The following NPR2 variants were observed in gnomAD, a reference collection of about 807,000 sequenced individuals.
The protein encoded by NPR2 is natriuretic peptide receptor 2.
NPR2 carries 49 observed loss-of-function variants against 120.7 expected under a neutral mutation model. The observed-to-expected ratio is 0.41, with a 90% CI of 0.32 to 0.52. The LOEUF is 0.52. Among genes scored for constraint, NPR2 ranks in the 20% least tolerant of loss-of-function variants. NPR2 has a pLI of 0.36. For synonymous variants in NPR2, 484 were observed against 519.8 expected (o/e 0.93, Z 0.94); for missense variants, 931 against 1,362.9 (o/e 0.68, Z 4.99).
Position 35,808,999 on chromosome 9 carries a change from C to T in NPR2, c.2986+146C>T. 1 of 935,656 alleles carries T rather than the reference C, an allele frequency of 1.1e-6. No individual in the cohort carries two copies. Among genetic ancestry groups the T allele is most frequent in the Non-Finnish European group, 1.8e-6 (1 of 568,462 alleles). 58.0% of individuals were successfully genotyped at this position (935,656 alleles called of 1,614,324 possible). On this transcript the variant is annotated intron_variant, in intron 20 of 21. Transcript: ENST00000342694. This position sits in a 1 kb window ranked among gnomAD's most constrained non-coding sequence, Gnocchi z 4.0. Reference sequence around the variant, plus strand: ...GCATATTTTGGTTCTAATAGATATGCATTGGGAGGTTGGGCATATTTTGGT... The same window carrying T: ...GCATATTTTGGTTCTAATAGATATGTATTGGGAGGTTGGGCATATTTTGGT...
rs1828506935 is a variant in NPR2, at chr9:35,808,063, AT to A, written c.2713-443del. The A allele has an allele frequency of 7.6e-6, 6 of 788,890 alleles. No homozygotes were observed. In the East Asian group the frequency reaches 1.5e-4, roughly 19 times the overall value. 48.9% of individuals were successfully genotyped at this position (788,890 alleles called of 1,614,324 possible). A position where few individuals can be genotyped will look rare whatever the true frequency, so the allele number is the denominator to read the frequency against. ...CTGTGTATTTCCTTAAAACAATGGC[AT>A]TTATTCTCTTACATAGCTTTGGCAC... On this transcript the variant is annotated intron_variant, in intron 18 of 21. Transcript: ENST00000342694. This position sits in a 1 kb window ranked among gnomAD's most constrained non-coding sequence, Gnocchi z 4.0.
In NPR2 at chr9:35,805,588, T is replaced by C. The variant is rs763091434; in HGVS notation, c.1965T>C (p.Arg655=). Residue 655 remains arginine, a synonymous_variant, in exon 13 of 22, where the codon CGT becomes CGC. Transcript: ENST00000342694. This position sits in a 1 kb window ranked among gnomAD's most constrained non-coding sequence, Gnocchi z 4.9. ...CCTCCAACTGTGTGGTGGATAGTCG[T>C]TTTGTGCTCAAAATCACAGACTATG... ...LKSSNCVVDS[R]FVLKITDYGL... The C allele has an allele frequency of 3.1e-6, 5 of 1,614,084 alleles. No homozygotes were observed. The highest frequency in any genetic ancestry group is 4.2e-6 in the Non-Finnish European group (5 of 1,180,028).
chr9:35,801,040 T>C (rs1828133328), intron 6 of NPR2, 30 bp from the exon 7 acceptor site: 5 of 1,598,640 alleles, frequency 3.1e-6, no homozygotes, highest in Non-Finnish European at 4.3e-6. Flanking sequence ...CCGCACACAG[T>C]CTTCCTCAGG....
chr9:35,799,841 C>G, intron 3 of NPR2, 110 bp downstream of exon 3: 1 of 1,366,734 alleles, frequency 7.3e-7, no homozygotes, highest in South Asian at 1.2e-5. Flanking sequence ...TTTGGGGGGT[C>G]TCCGCTTCTG....
chr9:35,803,514 C>T (rs1237914641), intron 12 of NPR2, among the ~76,000 whole-genome samples: 1 of 152,210 alleles, frequency 6.6e-6, no homozygotes, highest in Non-Finnish European at 1.5e-5. Flanking sequence ...GGCATGTCTG[C>T]CCTTTTGTTC....
rs1273436269 is a variant in NPR2 at position 35,800,372 on chromosome 9, A to G, written c.1124-17A>G. On this transcript the variant is annotated splice_polypyrimidine_tract_variant and intron_variant, in intron 4 of 21. Coordinates refer to ENST00000342694, the MANE Select transcript of NPR2 (RefSeq NM_003995.4). The surrounding 1 kb of genome is among the most constrained non-coding windows in gnomAD (Gnocchi z 4.7). ...CCAGGGTAGACCTCAAAGAAAGGAC[A>G]CTCTTTTCTGTCTTAGGTGTAACTG... The G allele has an allele frequency of 3.7e-6, 6 of 1,606,284 alleles. No homozygotes were observed. The highest frequency in any genetic ancestry group is 5.1e-6 in the Non-Finnish European group (6 of 1,173,126).
rs756858649 is a variant in NPR2, at chr9:35,801,945, C to A, written c.1577C>A (p.Ser526Ter). Reference sequence around the variant, plus strand: ...CCCCAGCGGGGATCCAGTTACGGCTCGCTCATGACAGCCCATGGGAAATAC... The same window carrying A: ...CCCCAGCGGGGATCCAGTTACGGCTAGCTCATGACAGCCCATGGGAAATAC... ...TLSLRGSSYGSLMTAHGKYQI... is the reference protein window; with the variant it reads ...TLSLRGSSYG Residue 526 changes from serine to a stop codon, truncating the protein, a stop_gained, in exon 9 of 22, where the codon TCG (serine) becomes TAG (stop). Coordinates refer to ENST00000342694, the MANE Select transcript of NPR2 (RefSeq NM_003995.4). LOFTEE classifies it high-confidence loss of function. The A allele has an allele frequency of 6.2e-7, 1 of 1,614,154 alleles. No homozygotes were observed. Among genetic ancestry groups the A allele is most frequent in the South Asian group, 1.1e-5 (1 of 91,084 alleles).
rs746976990 is a variant in NPR2 at position 35,807,316 on chromosome 9, T to C, written c.2644-14T>C. On this transcript the variant is annotated splice_polypyrimidine_tract_variant and intron_variant, in intron 17 of 21. Transcript: ENST00000342694. Reference sequence around the variant, plus strand: ...GCACAAGTCTCAGGGCCTCTGCTTTTCTATCCCTTTTAGGTAGTGACACTT... The same window carrying C: ...GCACAAGTCTCAGGGCCTCTGCTTTCCTATCCCTTTTAGGTAGTGACACTT... 4 of 1,610,432 alleles carry C rather than the reference T, an allele frequency of 2.5e-6. No individual in the cohort carries two copies. The Admixed American group carries it at 6.7e-5, about 27-fold the overall frequency.
In NPR2 at chr9:35,794,055, G is replaced by T; in HGVS notation, c.825G>T (p.Gln275His). The T allele has an allele frequency of 1.2e-6, 2 of 1,614,248 alleles. No individual in the cohort carries two copies. Among genetic ancestry groups the T allele is most frequent in the Non-Finnish European group, 1.7e-6 (2 of 1,180,048 alleles). The change falls in exon 2 of 22, where the codon CAG (glutamine) becomes CAT (histidine). Residue 275 changes from glutamine to histidine, a missense_variant. Physicochemically the swap from Gln to His is conservative, Grantham distance 24. Transcript: ENST00000342694. ...CACGTGCTACAGGCCGGCCCTGGCAGGACAATCGCACCCGGGAACAGGCCC... is the reference window on the plus strand; with the variant it reads ...CACGTGCTACAGGCCGGCCCTGGCATGACAATCGCACCCGGGAACAGGCCC... ...GPTRATGRPWQDNRTREQAQA... is the reference protein window; with the variant it reads ...GPTRATGRPWHDNRTREQAQA...
chr9:35,806,119 A>T lies in NPR2; in HGVS notation c.2258A>T (p.Asp753Val). ...GQRPYFRPSI[D>V]RTQLNEELVL... ...CGGCCATATTTCCGGCCAAGCATTG[A>T]CCGGACCCAACTGAATGAAGAGCTA... Residue 753 changes from aspartate (D) to valine (V), a missense_variant, in exon 15 of 22, where the codon GAC becomes GTC. Asp to Val is a radical substitution (Grantham distance 152). Coordinates refer to ENST00000342694, the MANE Select transcript of NPR2 (RefSeq NM_003995.4). This position sits in a 1 kb window ranked among gnomAD's most constrained non-coding sequence, Gnocchi z 4.6. 6.2e-7 allele frequency: 1 copy of T among 1,614,208 alleles called. No individual in the cohort carries two copies. Among genetic ancestry groups the T allele is most frequent in the Non-Finnish European group, 8.5e-7 (1 of 1,180,050 alleles).
rs770095590 is a variant in NPR2, at chr9:35,801,964, G to A, written c.1596G>A (p.Gly532=). ...SSYGSLMTAH[G]KYQIFANTGH... ...ACGGCTCGCTCATGACAGCCCATGGGAAATACCAGATCTTTGCCAACACCG... is the reference window on the plus strand; with the variant it reads ...ACGGCTCGCTCATGACAGCCCATGGAAAATACCAGATCTTTGCCAACACCG... The change falls in exon 9 of 22, where the codon GGG becomes GGA. Residue 532 remains glycine (G), a synonymous_variant. Coordinates refer to ENST00000342694, the MANE Select transcript of NPR2 (RefSeq NM_003995.4). 2 of 1,614,104 alleles carry A rather than the reference G, an allele frequency of 1.2e-6. No individual in the cohort carries two copies. Among genetic ancestry groups the A allele is most frequent in the South Asian group, 1.1e-5 (1 of 91,086 alleles).
chr9:35,799,145 T>G (rs1209506119), intron 2 of NPR2, among the ~76,000 whole-genome samples: 2 of 152,222 alleles, frequency 1.3e-5, no homozygotes, highest in Non-Finnish European at 2.9e-5. Context: ...ATTTTACTGA[T>G]GACATTAACA....
Position 35,792,476 on chromosome 9 carries a change from G to A in NPR2, c.68G>A (p.Arg23Gln). The A allele has an allele frequency of 2.5e-6, 4 of 1,610,708 alleles. No homozygotes were observed. The highest frequency in any genetic ancestry group is 1.7e-6 in the Non-Finnish European group (2 of 1,179,890). Residue 23 changes from arginine (R) to glutamine (Q), a missense_variant, in exon 1 of 22, where the codon CGG (arginine) becomes CAG (glutamine). This residue lies in a region of NPR2 where 681 missense variants were observed against 974.3 expected (regional missense o/e 0.70). Transcript: ENST00000342694. ...LAGGVRPPGA[R>Q]NLTLAVVLPE... ...GGTGGGGTGCGTCCTCCCGGGGCGC[G>A]GAACCTGACGCTGGCGGTGGTGCTG...
In NPR2 at chr9:35,806,341, T is replaced by C; in HGVS notation, c.2373-51T>C. 1 of 1,611,340 alleles carries C rather than the reference T, an allele frequency of 6.2e-7. No individual in the cohort carries two copies. Among genetic ancestry groups the C allele is most frequent in the Non-Finnish European group, 8.5e-7 (1 of 1,177,566 alleles). On this transcript the variant is annotated intron_variant, in intron 15 of 21. Transcript: ENST00000342694. This position sits in a 1 kb window ranked among gnomAD's most constrained non-coding sequence, Gnocchi z 4.6. ...AGAGGGTGGGTTGGATAGGAAGTCC[T>C]GGGAATCTTCAGAATCTTAGAGCAA...
Position 35,791,923 on chromosome 9 carries a change from G to GT in NPR2, c.-486_-485insT, listed in dbSNP as rs1827792507. Among the ~76,000 whole-genome samples, 1 of 151,632 alleles carries GT rather than the reference G, an allele frequency of 6.6e-6. No homozygotes were observed. Among genetic ancestry groups the GT allele is most frequent in the Non-Finnish European group, 1.5e-5 (1 of 67,846 alleles). ...TGCCCATGATCCCAGTCCTTCCGCG[G>GT]CGCGGGCACCCTCCCACCTTACCCC... On this transcript the variant is annotated 5_prime_UTR_variant, in exon 1 of 22. An upstream open reading frame in the 5' UTR gains an earlier in-frame stop. Coordinates refer to ENST00000342694, the MANE Select transcript of NPR2 (RefSeq NM_003995.4).
In NPR2 at chr9:35,792,087, T is replaced by G. The variant is rs1175133828; in HGVS notation, c.-322T>G. 1.0e-5 allele frequency: 2 copies of G among 191,488 alleles called. No individual in the cohort carries two copies. Among genetic ancestry groups the G allele is most frequent in the African/African-American group, 5.2e-5 (2 of 38,276 alleles). 11.9% of individuals were successfully genotyped at this position (191,488 alleles called of 1,614,324 possible). A position where few individuals can be genotyped will look rare whatever the true frequency, so the allele number is the denominator to read the frequency against. The stretch of plus-strand genomic sequence containing the variant: ...CAGATCCCCTTTTCCTTCTCAGCTT[T>G]AGATTTATCAGGCTTCTTCACCTCG... On this transcript the variant is annotated 5_prime_UTR_variant, in exon 1 of 22. It introduces an in-frame stop codon into an upstream open reading frame of the 5' UTR. Coordinates refer to ENST00000342694, the MANE Select transcript of NPR2 (RefSeq NM_003995.4).
Position 35,792,672 on chromosome 9 carries a change from G to C in NPR2, c.264G>C (p.Lys88Asn). ...CACCGCTGAGCGCTGTGGACCTCAA[G>C]CTGTACCATGACCCCGACCTGCTGT... ...YLAPLSAVDLKLYHDPDLLLG... is the reference protein window; with the variant it reads ...YLAPLSAVDLNLYHDPDLLLG... Residue 88 changes from lysine to asparagine, a missense_variant, in exon 1 of 22, where the codon AAG (lysine) becomes AAC (asparagine). Physicochemically the swap from Lys to Asn is moderately conservative, Grantham distance 94. Around this residue, in one of 3 missense-constraint regions of NPR2, gnomAD observed 681 missense variants for 974.3 expected, o/e 0.70. Transcript: ENST00000342694. 6.2e-7 allele frequency: 1 copy of C among 1,614,148 alleles called. No homozygotes were observed. The highest frequency in any genetic ancestry group is 8.5e-7 in the Non-Finnish European group (1 of 1,180,040).
chr9:35,809,138 C>A lies in NPR2; in HGVS notation c.2987-18C>A. ...TTGATTCCTCATTCCACCATCCTCC[C>A]CATTCCACCCACCCCAGCGCTGAAG... On this transcript the variant is annotated intron_variant, in intron 20 of 21. Transcript: ENST00000342694. The surrounding 1 kb of genome is among the most constrained non-coding windows in gnomAD (Gnocchi z 4.1). 1 of 1,605,078 alleles carries A rather than the reference C, an allele frequency of 6.2e-7. No individual in the cohort carries two copies. The highest frequency in any genetic ancestry group is 8.5e-7 in the Non-Finnish European group (1 of 1,171,938).
chr9:35,805,397 T>C lies in NPR2; in HGVS notation c.1888-114T>C. The C allele has an allele frequency of 9.4e-7, 1 of 1,068,976 alleles. No individual in the cohort carries two copies. 66.2% of individuals were successfully genotyped at this position (1,068,976 alleles called of 1,614,324 possible). A position where few individuals can be genotyped will look rare whatever the true frequency, so the allele number is the denominator to read the frequency against. On this transcript the variant is annotated intron_variant, in intron 12 of 21. Coordinates refer to ENST00000342694, the MANE Select transcript of NPR2 (RefSeq NM_003995.4). The surrounding 1 kb of genome is among the most constrained non-coding windows in gnomAD (Gnocchi z 4.9). ...CAAAGGATGCCTTCCAAAATCAGCT[T>C]ATTATTTTTGTGGACCCAAGATCTG...
Sources: allele counts gnomAD v4.1 joint callset (sites outside exome capture counted in the v4.1 genomes callset), GRCh38; gene constraint gnomAD v4.1.1; regional missense constraint gnomAD v4.1.1; non-coding constraint Gnocchi (gnomAD v3.1); transcripts MANE v1.5; gene names NCBI Gene and HGNC (gene_info 2026-07-23, HGNC 2026-07-21).